The following DLG4 variants were observed in gnomAD, a reference collection of about 807,000 sequenced individuals.
DLG4 encodes the protein discs large MAGUK scaffold protein 4.
Under a neutral mutation model 93.8 loss-of-function variants are expected in DLG4, and 7 were observed. That is an observed-to-expected ratio of 0.07 (90% confidence interval 0.04 to 0.14). The LOEUF (loss-of-function observed/expected upper bound fraction) is 0.14. Among genes scored for constraint, DLG4 ranks in the 10% least tolerant of loss-of-function variants. The pLI, the probability that DLG4 is intolerant of heterozygous loss-of-function variation, is 1.00. For synonymous variants in DLG4, 341 were observed against 387.6 expected (o/e 0.88, Z 1.41); for missense variants, 545 against 992.9 (o/e 0.55, Z 6.06).
intron 8 of DLG4, 123 bp downstream of exon 8, chr17:7,202,780 G>C (rs781234443): frequency 5.8e-6 from 7 of 1,216,138 alleles, no homozygotes; most frequent in Non-Finnish European, 8.3e-6. Flanking sequence ...GCAAGGATCA[G>C]AGGTTGTGGC....
intron 8 of DLG4, among the ~76,000 whole-genome samples, chr17:7,198,414 C>T (rs1042754540): frequency 4.1e-5 from 6 of 146,024 alleles, no homozygotes; most frequent in Admixed American, 1.4e-4. Context: ...ACCCAGGAGG[C>T]GGAGGTTGCA....
chr17:7,213,079 TTTTCTTTC>T (rs201759025), intron 1 of DLG4, among the ~76,000 whole-genome samples: 2 of 120,614 alleles, frequency 1.7e-5, no homozygotes, highest in African/African-American at 3.0e-5. Context: ...TTTCCTTTTC[TTTTCTTTC>T]TTTCTTTCTT....
intron 1 of DLG4, among the ~76,000 whole-genome samples, chr17:7,216,218 C>A (rs1327933734): frequency 6.6e-6 from 1 of 152,110 alleles, no homozygotes; most frequent in Admixed American, 6.6e-5. Context: ...GTATCTGGAA[C>A]AGTCCCCACA....
In DLG4 at chr17:7,200,841, G is replaced by C. The variant is rs1024572710; in HGVS notation, c.787+2062C>G. On this transcript the variant is annotated intron_variant, in intron 8 of 19. Coordinates refer to ENST00000399506, the MANE Select transcript of DLG4 (RefSeq NM_001321075.3). ...GATTACAGGCATGAGCCACCGGCGC[G>C]CCCAGCCTGTTTTGGTTTTTTTTTT... is the stretch of plus-strand genomic sequence containing the variant. Among the ~76,000 whole-genome samples the C allele has an allele frequency of 2.3e-4, 31 of 136,902 alleles. No homozygotes were observed. In the South Asian group the frequency reaches 4.5e-3, roughly 20 times the overall value. The allele number at this position is 136,902 out of a possible 152,430, so 89.8% of individuals were successfully genotyped here. A position where few individuals can be genotyped will look rare whatever the true frequency, so the allele number is the denominator to read the frequency against.
chr17:7,189,577 T>C lies in DLG4; in HGVS notation c.*1131A>G, dbSNP rs903501199. 3.3e-5 allele frequency among the ~76,000 whole-genome samples: 5 copies of C among 152,102 alleles called. No homozygotes were observed. The highest frequency in any genetic ancestry group is 1.2e-4 in the African/African-American group (5 of 41,410). ...GAACATGAATGAACGAAGTTTCCTCTCTATTTTCCTTTAAGGACTGTTGTG... is the reference window on the plus strand; with the variant it reads ...GAACATGAATGAACGAAGTTTCCTCCCTATTTTCCTTTAAGGACTGTTGTG... On this transcript the variant is annotated 3_prime_UTR_variant, in exon 20 of 20. Transcript: ENST00000399506.
rs190338203 is a variant in DLG4 at position 7,200,531 on chromosome 17, T to C, written c.787+2372A>G. Among the ~76,000 whole-genome samples the C allele has an allele frequency of 4.2e-3, 595 of 143,054 alleles. 3 individuals carry two copies. The highest frequency in any genetic ancestry group is 0.013 in the African/African-American group (522 of 39,674). The allele number at this position is 143,054 out of a possible 152,430, so 93.8% of individuals were successfully genotyped here. On this transcript the variant is annotated intron_variant, in intron 8 of 19. Transcript: ENST00000399506. The stretch of plus-strand genomic sequence containing the variant: ...TAATTCCTGTTATTTATCTTACAAA[T>C]AGCCACATTCCTTTTTTTTTTTGTC...
chr17:7,191,616 G>C lies in DLG4; in HGVS notation c.1977-258C>G. On this transcript the variant is annotated intron_variant, in intron 18 of 19. Coordinates refer to ENST00000399506, the MANE Select transcript of DLG4 (RefSeq NM_001321075.3). This position sits in a 1 kb window ranked among gnomAD's most constrained non-coding sequence, Gnocchi z 6.6. ...TTCCAGCCTTCAGCCCCAGAGATGG[G>C]ATTCGGACTCCAATTCCCAACAGCC... The C allele has an allele frequency of 1.7e-6, 1 of 594,316 alleles. No homozygotes were observed. Among genetic ancestry groups the C allele is most frequent in the Admixed American group, 3.0e-5 (1 of 33,828 alleles). The allele number at this position is 594,316 out of a possible 1,614,324, so 36.8% of individuals were successfully genotyped here.
At position 7,202,663 on chromosome 17, in the gene DLG4, A is replaced by G. The variant is rs556057483; in HGVS notation, c.787+240T>C. On this transcript the variant is annotated intron_variant, in intron 8 of 19. Coordinates refer to ENST00000399506, the MANE Select transcript of DLG4 (RefSeq NM_001321075.3). ...ATCTATTCCTTGAGAATTTCACAAAATTAGCCATAAAACCAACCAGGCTTT... is the reference window on the plus strand; with the variant it reads ...ATCTATTCCTTGAGAATTTCACAAAGTTAGCCATAAAACCAACCAGGCTTT... 4 of 541,626 alleles carry G rather than the reference A, an allele frequency of 7.4e-6. No homozygotes were observed. In the African/African-American group the frequency reaches 7.5e-5, roughly 10 times the overall value. 33.6% of individuals were successfully genotyped at this position (541,626 alleles called of 1,614,324 possible).
chr17:7,207,675 C>A (rs920671510), intron 2 of DLG4, among the ~76,000 whole-genome samples: 2 of 151,362 alleles, frequency 1.3e-5, no homozygotes, highest in African/African-American at 2.5e-5. Context: ...GGGGGATGCA[C>A]ACACCTCAAC....
intron 8 of DLG4, among the ~76,000 whole-genome samples, chr17:7,197,508 T>G (rs113329386): frequency 4.0e-5 from 6 of 151,640 alleles, no homozygotes; most frequent in Non-Finnish European, 7.4e-5. Context: ...TTTTTTGGGG[T>G]TTTTTTGAGA....
intron 2 of DLG4, among the ~76,000 whole-genome samples, chr17:7,207,651 C>A (rs1190825766): frequency 6.6e-6 from 1 of 151,780 alleles, no homozygotes; most frequent in Non-Finnish European, 1.5e-5. Flanking sequence ...AGGTCCCAGG[C>A]GTGGGGGCCT....
intron 8 of DLG4, among the ~76,000 whole-genome samples, chr17:7,199,085 G>A (rs926750376): frequency 6.6e-6 from 1 of 152,144 alleles, no homozygotes; most frequent in Non-Finnish European, 1.5e-5. Context: ...TACTCTCTGA[G>A]GTAGCTGGTA....
rs1196711636 is a variant in DLG4, at chr17:7,192,926, G to C, written c.1866+19C>G. On this transcript the variant is annotated intron_variant, in intron 17 of 19. Transcript: ENST00000399506. ...GGAGAGGGGAGAAGGAAGAGGACCG[G>C]GTGCCCGCCAGGTCCTACCTGCTCT... 2 of 1,594,960 alleles carry C rather than the reference G, an allele frequency of 1.3e-6. No individual in the cohort carries two copies. Among genetic ancestry groups the C allele is most frequent in the South Asian group, 1.1e-5 (1 of 89,264 alleles).
rs377215728 is a variant in DLG4, at chr17:7,193,142, C to G, written c.1694-25G>C. 1.2e-6 allele frequency: 2 copies of G among 1,612,534 alleles called. No homozygotes were observed. The highest frequency in any genetic ancestry group is 2.7e-5 in the African/African-American group (2 of 74,850). On this transcript the variant is annotated intron_variant, in intron 16 of 19. Transcript: ENST00000399506. The surrounding 1 kb of genome is among the most constrained non-coding windows in gnomAD (Gnocchi z 6.7). The stretch of plus-strand genomic sequence containing the variant: ...TCTGCCAGGAAGTCACCCCACCCCC[C>G]AAAGATCTAACCACCATCCCTCTAG...
At chr17:7,202,824 A>G in intron 8 of DLG4, 79 bp downstream of exon 8, 1 of 1,558,256 alleles carries the variant, frequency 6.4e-7, no homozygotes, top group Non-Finnish European at 8.8e-7. Context: ...AGGGACAGCT[A>G]CAGGGATGTC....
intron 2 of DLG4, among the ~76,000 whole-genome samples, chr17:7,207,762 C>T (rs570592334): frequency 1.3e-5 from 2 of 151,004 alleles, no homozygotes; most frequent in African/African-American, 4.9e-5. Context: ...CACACAGGCA[C>T]GCATGCATGC....
At chr17:7,192,152 A>T in intron 17 of DLG4, 150 bp from the exon 18 acceptor site, 1 of 484,904 alleles carries the variant, frequency 2.1e-6, no homozygotes, top group South Asian at 3.6e-5. Flanking sequence ...GGGGGCAGAG[A>T]GTCAGGCAGG....
intron 1 of DLG4, among the ~76,000 whole-genome samples, chr17:7,210,183 G>C (rs1277218183): frequency 6.6e-6 from 1 of 152,172 alleles, no homozygotes; most frequent in African/African-American, 2.4e-5. Flanking sequence ...TCCTTGAGTA[G>C]GATTCTGAAA....
upstream of DLG4, chr17:7,218,976 G>C: frequency 1.0e-6 from 1 of 999,188 alleles, no homozygotes; most frequent in African/African-American, 1.6e-5. Context: ...CATTCCCCCA[G>C]GTCCCAAGGC....
Sources: allele counts gnomAD v4.1 joint callset (sites outside exome capture counted in the v4.1 genomes callset), GRCh38; gene constraint gnomAD v4.1.1; non-coding constraint Gnocchi (gnomAD v3.1); transcripts MANE v1.5; gene names NCBI Gene and HGNC (gene_info 2026-07-23, HGNC 2026-07-21).